BICRA: variants seen among roughly 807,000 people sequenced by gnomAD.
BICRA encodes BRD4-interacting chromatin-remodeling complex-associated protein.
In BICRA, 31 loss-of-function variants were observed where a neutral mutation model predicts 96.9. That is an observed-to-expected ratio of 0.32 (90% CI 0.24 to 0.43). BICRA has a LOEUF of 0.43. BICRA is among the 20% of genes least tolerant of loss of function. BICRA has a pLI of 1.00. For missense variants in BICRA, 2,283 were observed against 2,190.3 expected (o/e 1.04, Z -0.84); for synonymous variants, 1,350 against 1,071.8 (o/e 1.26, Z -5.07).
At position 47,701,864 on chromosome 19, in the gene BICRA, A is replaced by T; in HGVS notation, c.4132A>T (p.Thr1378Ser). The change falls in exon 15 of 15, where the codon ACC becomes TCC. Residue 1378 changes from threonine (T) to serine (S), a missense_variant. Physicochemically the swap from Thr to Ser is moderately conservative, Grantham distance 58 (BLOSUM62 1). Transcript: ENST00000594866. The surrounding 1 kb of genome is among the most constrained non-coding windows in gnomAD (Gnocchi z 5.4). ...CGCCCCCGAGCGCAAGCCCCTGGGC[A>T]CCGCCCCGCACTGCCCGCGCCTGCC... is the stretch of plus-strand genomic sequence containing the variant. ...PAAPERKPLGTAPHCPRLPLR... is the reference protein window; with the variant it reads ...PAAPERKPLGSAPHCPRLPLR... The T allele has an allele frequency of 1.4e-6, 2 of 1,478,476 alleles. No homozygotes were observed. The highest frequency in any genetic ancestry group is 1.8e-6 in the Non-Finnish European group (2 of 1,120,992). The allele number at this position is 1,478,476 out of a possible 1,614,324, so 91.6% of individuals were successfully genotyped here.
chr19:47,666,656 T>C (rs1350238868), intron 1 of BICRA, among the ~76,000 whole-genome samples: 1 of 151,722 alleles, frequency 6.6e-6, no homozygotes, highest in African/African-American at 2.4e-5. Flanking sequence ...ACTGCAGCCT[T>C]GGCCTCTGTA....
At position 47,696,570 on chromosome 19, in the gene BICRA, G is replaced by T; in HGVS notation, c.3248+58G>T. The T allele has an allele frequency of 2.0e-6, 3 of 1,494,924 alleles. 1 individual carries two copies. Among genetic ancestry groups the T allele is most frequent in the South Asian group, 2.5e-5 (2 of 81,496 alleles). 92.6% of individuals were successfully genotyped at this position (1,494,924 alleles called of 1,614,324 possible). A position where few individuals can be genotyped will look rare whatever the true frequency, so the allele number is the denominator to read the frequency against. On this transcript the variant is annotated intron_variant, in intron 11 of 14. Transcript: ENST00000594866. ...CTGTACCTTCCAGAGACCTGGGGGA[G>T]CATGGGGCCACCCTCCAGAAGCAGA...
At chr19:47,629,697 G>A (rs188987708) in intron 1 of BICRA, among the ~76,000 whole-genome samples, 11 of 151,924 alleles carry the variant, frequency 7.2e-5, no homozygotes, top group African/African-American at 1.9e-4. Flanking sequence ...TCGCTCTGTC[G>A]CCCAGGCTGG....
At chr19:47,654,476 CTAT>C (rs1233068420) in intron 1 of BICRA, among the ~76,000 whole-genome samples, 1 of 151,560 alleles carries the variant, frequency 6.6e-6, no homozygotes, top group African/African-American at 2.4e-5. Context: ...CAGTATCTTG[CTAT>C]TATTATTATT....
chr19:47,689,874 A>C (rs968502179), intron 7 of BICRA, among the ~76,000 whole-genome samples: 4 of 152,248 alleles, frequency 2.6e-5, no homozygotes, highest in Non-Finnish European at 4.4e-5. Context: ...AGAGTCTTGA[A>C]GTATTCCTTT....
At chr19:47,648,237 CA>C (rs1972490893) in intron 1 of BICRA, among the ~76,000 whole-genome samples, 2 of 113,022 alleles carry the variant, frequency 1.8e-5, no homozygotes, top group South Asian at 7.4e-4. Context: ...AGCTGTAACC[CA>C]CCCCGTGCCC....
intron 1 of BICRA, among the ~76,000 whole-genome samples, chr19:47,635,316 TGGCTCACTGCAACCTCCGCCTCCTG>T (rs1972284604): frequency 6.6e-6 from 1 of 151,776 alleles, no homozygotes; most frequent in South Asian, 2.1e-4. Flanking sequence ...GGCTGGATCT[TGGCTCACTGCAACCTCCGCCTCCTG>T]GGCTCAAGTG....
At chr19:47,653,650 T>C (rs1254135634) in intron 1 of BICRA, among the ~76,000 whole-genome samples, 1 of 152,208 alleles carries the variant, frequency 6.6e-6, no homozygotes, top group Non-Finnish European at 1.5e-5. Flanking sequence ...CTTGGTGTCA[T>C]GCGTTCCAGG....
At chr19:47,612,741 G>A (rs543033085) in intron 1 of BICRA, among the ~76,000 whole-genome samples, 2 of 152,060 alleles carry the variant, frequency 1.3e-5, no homozygotes, top group African/African-American at 4.8e-5. Flanking sequence ...GCCAGGGGAA[G>A]CATGTTCCAC....
intron 1 of BICRA, among the ~76,000 whole-genome samples, chr19:47,621,999 C>G (rs1972071531): frequency 6.6e-6 from 1 of 151,120 alleles, no homozygotes; most frequent in Admixed American, 6.6e-5. Context: ...TGAAGTCTCA[C>G]TCTGTTGCCT....
intron 7 of BICRA, among the ~76,000 whole-genome samples, chr19:47,686,162 C>G (rs1973155785): frequency 6.6e-6 from 1 of 152,098 alleles, no homozygotes; most frequent in Non-Finnish European, 1.5e-5. Flanking sequence ...AACTCCTTAC[C>G]TCAGGTGATC....
chr19:47,695,291 G>A (rs1973318432), intron 9 of BICRA, 74 bp from the exon 10 acceptor site: 1 of 821,376 alleles, frequency 1.2e-6, no homozygotes, highest in Non-Finnish European at 2.0e-6. Flanking sequence ...GGTACAGGAT[G>A]GGGCTCCCGT....
chr19:47,609,578 C>T (rs376284388), intron 1 of BICRA, among the ~76,000 whole-genome samples: 1 of 151,432 alleles, frequency 6.6e-6, no homozygotes, highest in Admixed American at 6.6e-5. Flanking sequence ...AGAGAGGAGA[C>T]CTAACGTTCC....
chr19:47,693,499 C>T (rs1261455287), intron 7 of BICRA, among the ~76,000 whole-genome samples: 1 of 152,246 alleles, frequency 6.6e-6, no homozygotes, highest in Non-Finnish European at 1.5e-5. Context: ...ATCCAGAGGT[C>T]CACACGTGGC....
chr19:47,702,337 G>A lies in BICRA; in HGVS notation c.4605G>A (p.Pro1535=). 2 of 1,538,110 alleles carry A rather than the reference G, an allele frequency of 1.3e-6. No homozygotes were observed. The highest frequency in any genetic ancestry group is 2.0e-5 in the Admixed American group (1 of 51,242). The stretch of plus-strand genomic sequence containing the variant: ...CCTCGGCCGGCACCCCCGCATCCCC[G>A]CCGCCCCTGCACAGGCCCGAGGCCT... ...HAASAGTPAS[P]PPLHRPEAYP... Residue 1535 remains proline (P), a synonymous_variant, in exon 15 of 15, where the codon CCG becomes CCA. Transcript: ENST00000594866.
At chr19:47,678,585 G>A (rs989653795) in intron 5 of BICRA, among the ~76,000 whole-genome samples, 3 of 152,142 alleles carry the variant, frequency 2.0e-5, no homozygotes, top group Admixed American at 6.5e-5. Flanking sequence ...AGGGTGCCCC[G>A]CTGGGTCTTA....
chr19:47,701,432 G>A lies in BICRA; in HGVS notation c.3700G>A (p.Ala1234Thr). Residue 1234 changes from alanine to threonine, a missense_variant, in exon 15 of 15, where the codon GCC becomes ACC. By Grantham distance (58) the Ala-to-Thr change is moderately conservative (BLOSUM62 0). Coordinates refer to ENST00000594866, the MANE Select transcript of BICRA (RefSeq NM_001394372.1). This position sits in a 1 kb window ranked among gnomAD's most constrained non-coding sequence, Gnocchi z 5.4. ...CCCCCTGTCGTCTTCAGCTCCCGGGGCCTCCACCCAGCCCCCTCCACACCT... is the reference window on the plus strand; with the variant it reads ...CCCCCTGTCGTCTTCAGCTCCCGGGACCTCCACCCAGCCCCCTCCACACCT... ...HGPLSSSAPG[A>T]STQPPPHLPT... 1.3e-6 allele frequency: 2 copies of A among 1,580,178 alleles called. No individual in the cohort carries two copies. Among genetic ancestry groups the A allele is most frequent in the East Asian group, 2.3e-5 (1 of 42,760 alleles).
At chr19:47,613,877 C>G (rs1971946713) in intron 1 of BICRA, among the ~76,000 whole-genome samples, 1 of 151,872 alleles carries the variant, frequency 6.6e-6, no homozygotes, top group African/African-American at 2.4e-5. Flanking sequence ...TAAGGCATTT[C>G]TAGTTTGGTG....
At chr19:47,673,851 A>G in intron 4 of BICRA, 89 bp downstream of exon 4, 1 of 1,154,692 alleles carries the variant, frequency 8.7e-7, no homozygotes, top group Non-Finnish European at 1.3e-6. Flanking sequence ...CCCTTTGATG[A>G]GGTAGCCATC....
Sources: allele counts gnomAD v4.1 joint callset (sites outside exome capture counted in the v4.1 genomes callset), GRCh38; gene constraint gnomAD v4.1.1; non-coding constraint Gnocchi (gnomAD v3.1); transcripts MANE v1.5; gene names NCBI Gene and HGNC (gene_info 2026-07-23, HGNC 2026-07-21).